The following HP1BP3 variants were observed in gnomAD, a reference collection of about 807,000 sequenced individuals.
The protein encoded by HP1BP3 is heterochromatin protein 1 binding protein 3, also known as heterochromatin protein 1-binding protein 3.
HP1BP3 carries 12 observed loss-of-function variants against 62.5 expected under a neutral mutation model. That is an observed-to-expected ratio of 0.19 (90% CI 0.12 to 0.31). The LOEUF (loss-of-function observed/expected upper bound fraction) is 0.31, where lower values mean the gene tolerates loss of function less well. HP1BP3 is among the 10% of genes least tolerant of loss of function. The pLI, the probability that HP1BP3 is intolerant of heterozygous loss-of-function variation, is 1.00. For missense variants in HP1BP3, 502 were observed against 651.8 expected (o/e 0.77, Z 2.50); for synonymous variants, 260 against 237.8 (o/e 1.09, Z -0.86).
chr1:20,781,588 A>G (rs2057550658), intron 1 of HP1BP3, among the ~76,000 whole-genome samples: 1 of 152,116 alleles, frequency 6.6e-6, no homozygotes, highest in South Asian at 2.1e-4. Flanking sequence ...AGTGTAACAC[A>G]CTCATACTTA....
chr1:20,766,498 A>G (rs1296734247), intron 7 of HP1BP3, among the ~76,000 whole-genome samples: 5 of 152,266 alleles, frequency 3.3e-5, no homozygotes, highest in African/African-American at 9.6e-5. Flanking sequence ...TCTGATATAA[A>G]TGAGTACAAG....
intron 9 of HP1BP3, among the ~76,000 whole-genome samples, chr1:20,751,297 ATT>A (rs961287182): frequency 1.4e-5 from 2 of 145,082 alleles, no homozygotes. Flanking sequence ...GTTTTTTATG[ATT>A]TTTTTTTTTT....
intron 8 of HP1BP3, among the ~76,000 whole-genome samples, chr1:20,760,353 T>C (rs777961437): frequency 7.2e-5 from 11 of 151,820 alleles, no homozygotes; most frequent in East Asian, 1.9e-4. Context: ...GTCTGGGCAA[T>C]GTAGGGAGAT....
At chr1:20,755,468 G>C in intron 9 of HP1BP3, 7 of 403,536 alleles carry the variant, frequency 1.7e-5, no homozygotes, top group South Asian at 1.1e-4. Flanking sequence ...CCAGCTATTA[G>C]GGAGGCTAAG....
chr1:20,755,400 C>A (rs768915162), intron 9 of HP1BP3: 3 of 453,004 alleles, frequency 6.6e-6, no homozygotes, highest in Non-Finnish European at 1.3e-5. Context: ...GGCGAAACCC[C>A]ATTTCTACAA....
intron 3 of HP1BP3, among the ~76,000 whole-genome samples, chr1:20,779,212 AAAGAT>A (rs1348478947): frequency 3.9e-5 from 6 of 152,188 alleles, no homozygotes; most frequent in Non-Finnish European, 7.4e-5. Flanking sequence ...AAAAAAGGGA[AAAGAT>A]AAGGAAAAAA....
At chr1:20,754,888 C>T (rs1391005921) in intron 9 of HP1BP3, among the ~76,000 whole-genome samples, 2 of 152,172 alleles carry the variant, frequency 1.3e-5, no homozygotes, top group Non-Finnish European at 2.9e-5. Flanking sequence ...AGTAAATTTT[C>T]ATTACCTTTA....
intron 6 of HP1BP3, among the ~76,000 whole-genome samples, chr1:20,768,028 G>GA (rs3215775): frequency 0.45 from 68,103 of 151,952 alleles, 15,607 homozygotes; most frequent in African/African-American, 0.47. Context: ...ATCTCTTAGG[G>GA]AAATAAGAAA....
chr1:20,743,135 A>G lies in HP1BP3; in HGVS notation c.*1662T>C, dbSNP rs76730149. ...TTTTTTCCTTTTCTTTTTTTTTTTA[A>G]TATCTCAAAAAGGAAGCCACTTGCT... On this transcript the variant is annotated 3_prime_UTR_variant, in exon 13 of 13. Transcript: ENST00000438032. 11 of 151,694 alleles carry G rather than the reference A, an allele frequency of 7.3e-5. No homozygotes were observed. Among genetic ancestry groups the G allele is most frequent in the South Asian group, 2.1e-4 (1 of 4,796 alleles). 9.4% of individuals were successfully genotyped at this position (151,694 alleles called of 1,614,324 possible). A position where few individuals can be genotyped will look rare whatever the true frequency, so the allele number is the denominator to read the frequency against.
At position 20,741,531 on chromosome 1, in the gene HP1BP3, AT is replaced by A. The variant is rs2055083940; in HGVS notation, c.*3265del. Among the ~76,000 whole-genome samples, 1 of 152,246 alleles carries A rather than the reference AT, an allele frequency of 6.6e-6. No homozygotes were observed. The highest frequency in any genetic ancestry group is 2.4e-5 in the African/African-American group (1 of 41,454). ...AACATACACCTGTTTCCTAAGATTTATACAGGACCAGGTTTCCTTTAATTAA... is the reference window on the plus strand; with the variant it reads ...AACATACACCTGTTTCCTAAGATTTAACAGGACCAGGTTTCCTTTAATTAA... On this transcript the variant is annotated 3_prime_UTR_variant, in exon 13 of 13. Coordinates refer to ENST00000438032, the MANE Select transcript of HP1BP3 (RefSeq NM_001372052.1).
At chr1:20,745,392 AAGG>A in intron 12 of HP1BP3, 148 bp downstream of exon 12, 7 of 992,914 alleles carry the variant, frequency 7.0e-6, no homozygotes, top group African/African-American at 1.6e-5. Flanking sequence ...TTGATTTTCA[AAGG>A]AGAAGATCAA....
intron 8 of HP1BP3, among the ~76,000 whole-genome samples, chr1:20,758,628 G>T (rs989860491): frequency 6.6e-6 from 1 of 150,942 alleles, no homozygotes; most frequent in Non-Finnish European, 1.5e-5. Context: ...TTACAGGTGT[G>T]AGCCACCACA....
chr1:20,765,053 CAGCTACCCGGGAGGCGG>C (rs2056708387), intron 8 of HP1BP3, among the ~76,000 whole-genome samples: 1 of 150,868 alleles, frequency 6.6e-6, no homozygotes, highest in African/African-American at 2.4e-5. Context: ...CCTGTAGGCG[CAGCTACCCGGGAGGCGG>C]AGGCAGGAGA....
chr1:20,778,712 C>T (rs2057408890), intron 3 of HP1BP3, among the ~76,000 whole-genome samples: 1 of 151,980 alleles, frequency 6.6e-6, no homozygotes, highest in African/African-American at 2.4e-5. Flanking sequence ...CCAGGCTCAG[C>T]CAGAAAAGAG....
chr1:20,742,041 A>C lies in HP1BP3; in HGVS notation c.*2756T>G, dbSNP rs777434569. ...CATCACACTGAAACAAACTGTCCTT[A>C]TAGTTAACAGAACGTTAGAGTTGGA... On this transcript the variant is annotated 3_prime_UTR_variant, in exon 13 of 13. Coordinates refer to ENST00000438032, the MANE Select transcript of HP1BP3 (RefSeq NM_001372052.1). Among the ~76,000 whole-genome samples, 6 of 152,214 alleles carry C rather than the reference A, an allele frequency of 3.9e-5. No individual in the cohort carries two copies. Among genetic ancestry groups the C allele is most frequent in the African/African-American group, 1.4e-4 (6 of 41,450 alleles).
intron 9 of HP1BP3, among the ~76,000 whole-genome samples, chr1:20,750,485 C>T (rs2055664214): frequency 6.6e-6 from 1 of 151,664 alleles, no homozygotes; most frequent in South Asian, 2.1e-4. Flanking sequence ...CGAAATCATG[C>T]CACTGAACTC....
Position 20,765,474 on chromosome 1 carries a change from G to C in HP1BP3, c.793C>G (p.Leu265Val), listed in dbSNP as rs1231668597. 2.5e-6 allele frequency: 4 copies of C among 1,613,002 alleles called. No homozygotes were observed. The highest frequency in any genetic ancestry group is 3.4e-6 in the Non-Finnish European group (4 of 1,179,048). The change falls in exon 8 of 13, where the codon CTG becomes GTG. Residue 265 changes from leucine (L) to valine (V), a missense_variant. By Grantham distance (32) the Leu-to-Val change is conservative (BLOSUM62 1). Transcript: ENST00000438032. ...GGTTCACAAAGGCGAGTAAAGGCCAGTGGGAGGACATCCTCCAATTTTACT... is the reference window on the plus strand; with the variant it reads ...GGTTCACAAAGGCGAGTAAAGGCCACTGGGAGGACATCCTCCAATTTTACT... ...PQVKLEDVLPLAFTRLCEPKE... is the reference protein window; with the variant it reads ...PQVKLEDVLPVAFTRLCEPKE...
intron 8 of HP1BP3, among the ~76,000 whole-genome samples, chr1:20,759,880 A>AT (rs71014104): frequency 0.034 from 3,833 of 113,002 alleles, 122 homozygotes; most frequent in Middle Eastern, 0.044. Flanking sequence ...TTAAAGACCG[A>AT]TTTTTTTTTT....
At chr1:20,756,747 G>A (rs1312902336) in intron 9 of HP1BP3, among the ~76,000 whole-genome samples, 1 of 151,886 alleles carries the variant, frequency 6.6e-6, no homozygotes, top group Non-Finnish European at 1.5e-5. Flanking sequence ...ATGGCATCTC[G>A]CTCTGTCACC....
Sources: allele counts gnomAD v4.1 joint callset (sites outside exome capture counted in the v4.1 genomes callset), GRCh38; gene constraint gnomAD v4.1.1; transcripts MANE v1.5; gene names NCBI Gene and HGNC (gene_info 2026-07-23, HGNC 2026-07-21).